The following GADL1 variants were observed in gnomAD, a reference collection of about 807,000 sequenced individuals.
The protein encoded by GADL1 is acidic amino acid decarboxylase GADL1.
A neutral mutation model predicts 69.5 loss-of-function variants in GADL1; 71 were observed. That is an observed-to-expected ratio of 1.02 (90% CI 0.84 to 1.25). The LOEUF (loss-of-function observed/expected upper bound fraction) is 1.25, where lower values mean the gene tolerates loss of function less well. Ranked by LOEUF, GADL1 falls within the 50% of genes most tolerant of loss-of-function variation. The pLI, the probability that GADL1 is intolerant of heterozygous loss-of-function variation, is 0.00. For missense variants in GADL1, 737 were observed against 631.8 expected, an observed-to-expected ratio of 1.17 and a Z score of -1.79; for synonymous variants, 254 against 214.4, an observed-to-expected ratio of 1.18 and a Z score of -1.62.
In GADL1 at chr3:30,736,223, G is replaced by A. The variant is rs2125470767; in HGVS notation, c.1393-7808C>T. On this transcript the variant is annotated intron_variant, in intron 14 of 14. Transcript: ENST00000282538. Reference sequence around the variant, plus strand: ...AACACCCCTTTTCATGGCCATAAGTGTCCCAGTTCAGATGATAAACTTTAT... The same window carrying A: ...AACACCCCTTTTCATGGCCATAAGTATCCCAGTTCAGATGATAAACTTTAT... 1.3e-5 allele frequency among the ~76,000 whole-genome samples: 2 copies of A among 152,068 alleles called. 1 individual carries two copies. The highest frequency in any genetic ancestry group is 6.8e-3 in the Middle Eastern group (2 of 294).
At chr3:30,748,207 T>C (rs1272518867) in intron 14 of GADL1, among the ~76,000 whole-genome samples, 2 of 152,192 alleles carry the variant, frequency 1.3e-5, no homozygotes, top group African/African-American at 4.8e-5. Context: ...TAGTGAAGGA[T>C]ATGAGGAAGC....
intron 14 of GADL1, among the ~76,000 whole-genome samples, chr3:30,730,685 C>T (rs894100848): frequency 1.3e-5 from 2 of 152,102 alleles, no homozygotes; most frequent in African/African-American, 4.8e-5. Context: ...ACAAATATAA[C>T]ATTAAAAATT....
At position 30,834,264 on chromosome 3, in the gene GADL1, T is replaced by C. The variant is rs1697837343; in HGVS notation, c.921A>G (p.Ser307=). 1 of 1,612,768 alleles carries C rather than the reference T, an allele frequency of 6.2e-7. No individual in the cohort carries two copies. The highest frequency in any genetic ancestry group is 8.5e-7 in the Non-Finnish European group (1 of 1,179,078). The change falls in exon 10 of 15, where the codon TCA becomes TCG. Residue 307 remains serine, a synonymous_variant. Transcript: ENST00000282538. ...TGCGGTGCTTCCTCGACATCAAAGC[T>C]GAGCCACCCCAAGAAGCCTGTTGAG... The part of the protein sequence containing the change: ...WLHVDASWGG[S]ALMSRKHRKL...
At chr3:30,877,317 C>T (rs1698591143) in intron 1 of GADL1, among the ~76,000 whole-genome samples, 1 of 151,882 alleles carries the variant, frequency 6.6e-6, no homozygotes, top group African/African-American at 2.4e-5. Context: ...AAATGCTAAG[C>T]TGACATATTG....
chr3:30,790,332 A>T (rs1040095822), intron 12 of GADL1, among the ~76,000 whole-genome samples: 3 of 152,188 alleles, frequency 2.0e-5, no homozygotes, highest in African/African-American at 7.2e-5. Flanking sequence ...TTACAACAGT[A>T]ACATCAAACA....
intron 11 of GADL1, among the ~76,000 whole-genome samples, chr3:30,811,451 C>G (rs1697354069): frequency 6.6e-6 from 1 of 152,128 alleles, no homozygotes; most frequent in Non-Finnish European, 1.5e-5. Context: ...TCTCTTAGGA[C>G]AGATGGAGAT....
chr3:30,756,150 C>CT (rs1330176098), intron 14 of GADL1, among the ~76,000 whole-genome samples: 1 of 152,150 alleles, frequency 6.6e-6, no homozygotes, highest in Non-Finnish European at 1.5e-5. Flanking sequence ...CAGGATCTAG[C>CT]TATGTCAAGC....
At chr3:30,866,168 A>G (rs552894519) in intron 1 of GADL1, among the ~76,000 whole-genome samples, 1 of 152,066 alleles carries the variant, frequency 6.6e-6, no homozygotes, top group Non-Finnish European at 1.5e-5. Flanking sequence ...TATTCAATAC[A>G]TAAATGACAC....
chr3:30,792,724 A>G lies in GADL1; in HGVS notation c.1251-6318T>C, dbSNP rs115294620. 8.9e-3 allele frequency among the ~76,000 whole-genome samples: 1,350 copies of G among 152,312 alleles called. 20 individuals carry two copies. The highest frequency in any genetic ancestry group is 0.031 in the African/African-American group (1,272 of 41,560). On this transcript the variant is annotated intron_variant, in intron 12 of 14. Transcript: ENST00000282538. Reference sequence around the variant, plus strand: ...CTCATGTTCACAAGACAGCTGCTACAGCTCCATATGTCCCATCCTTATACA... The same window carrying G: ...CTCATGTTCACAAGACAGCTGCTACGGCTCCATATGTCCCATCCTTATACA...
intron 13 of GADL1, among the ~76,000 whole-genome samples, chr3:30,781,905 G>A (rs1696674369): frequency 6.6e-6 from 1 of 152,204 alleles, no homozygotes; most frequent in African/African-American, 2.4e-5. Context: ...GCACTAGTGA[G>A]GTACATCACT....
At chr3:30,840,023 G>A (rs1697941342) in intron 8 of GADL1, among the ~76,000 whole-genome samples, 2 of 151,952 alleles carry the variant, frequency 1.3e-5, no homozygotes, top group African/African-American at 4.8e-5. Flanking sequence ...CAAATGTGGG[G>A]GTGAGGGGAG....
intron 14 of GADL1, among the ~76,000 whole-genome samples, chr3:30,752,861 ATAAC>A (rs1413091119): frequency 2.0e-5 from 3 of 151,820 alleles, no homozygotes; most frequent in East Asian, 1.9e-4. Context: ...AAGTTCTCAA[ATAAC>A]TAAAAGTGGC....
intron 14 of GADL1, among the ~76,000 whole-genome samples, chr3:30,747,784 C>T (rs1695730622): frequency 6.6e-6 from 1 of 152,176 alleles, no homozygotes; most frequent in Non-Finnish European, 1.5e-5. Context: ...TACTACCCAT[C>T]TGTCACTCCA....
chr3:30,768,426 G>C (rs983907512), intron 14 of GADL1, among the ~76,000 whole-genome samples: 19 of 152,226 alleles, frequency 1.2e-4, no homozygotes, highest in African/African-American at 4.1e-4. Context: ...CAGTGAAGTA[G>C]CTTGAGGGGA....
At chr3:30,774,905 G>GA (rs375931626) in intron 14 of GADL1, among the ~76,000 whole-genome samples, 49 of 152,236 alleles carry the variant, frequency 3.2e-4, no homozygotes, top group African/African-American at 1.2e-3. Flanking sequence ...CGGAGGTAAA[G>GA]AGGGGCTTGA....
At chr3:30,797,806 G>GT (rs1697075909) in intron 12 of GADL1, 1 of 151,966 alleles carries the variant, frequency 6.6e-6, no homozygotes, top group African/African-American at 2.4e-5. Flanking sequence ...AAAAATCCAG[G>GT]TTTTTTATAA....
chr3:30,844,491 A>AGGGG (rs755587415), intron 6 of GADL1, 25 bp from the exon 7 acceptor site: 2 of 1,443,448 alleles, frequency 1.4e-6, no homozygotes, highest in East Asian at 4.5e-5. Flanking sequence ...ACAGTGGGGA[A>AGGGG]GGGGGAGACA....
intron 14 of GADL1, among the ~76,000 whole-genome samples, chr3:30,771,872 C>T (rs1012146308): frequency 1.3e-5 from 2 of 148,526 alleles, no homozygotes; most frequent in African/African-American, 5.2e-5. Flanking sequence ...ACGTTATACA[C>T]AGGATTGCTG....
chr3:30,863,931 G>C (rs1008417473), intron 1 of GADL1, among the ~76,000 whole-genome samples: 1 of 152,030 alleles, frequency 6.6e-6, no homozygotes, highest in Non-Finnish European at 1.5e-5. Context: ...AGATCCCCCA[G>C]TTGGGGAAAG....
Sources: gnomAD v4.1 joint callset for allele counts (sites outside exome capture counted in the v4.1 genomes callset) on GRCh38, gnomAD v4.1.1 for gene constraint, MANE v1.5 for transcripts, NCBI Gene and HGNC (gene_info 2026-07-23, HGNC 2026-07-21) for gene names.